Variants in STX17 observed in about 807,000 individuals in gnomAD.
STX17 encodes syntaxin-17.
A neutral mutation model predicts 35.9 loss-of-function variants in STX17; 29 were observed. The observed-to-expected ratio is 0.81, with a 90% CI of 0.60 to 1.10. STX17 has a LOEUF of 1.10. Among genes scored for constraint, STX17 ranks in the 50% least tolerant of loss-of-function variants. The pLI, the probability that STX17 is intolerant of heterozygous loss-of-function variation, is 0.00. For missense variants in STX17, 312 were observed against 352.3 expected (o/e 0.89, Z 0.92); for synonymous variants, 92 against 118.3 (o/e 0.78, Z 1.44).
intron 3 of STX17, among the ~76,000 whole-genome samples, chr9:99,930,060 C>T (rs1829084737): frequency 6.7e-6 from 1 of 150,116 alleles, no homozygotes; most frequent in Non-Finnish European, 1.5e-5. Context: ...CTACAGGCAC[C>T]CACCACCACG....
In STX17 at chr9:99,968,622, C is replaced by G. The variant is rs753349057; in HGVS notation, c.858C>G (p.Leu286=). 1 of 1,613,924 alleles carries G rather than the reference C, an allele frequency of 6.2e-7. No homozygotes were observed. The highest frequency in any genetic ancestry group is 8.5e-7 in the Non-Finnish European group (1 of 1,179,936). The change falls in exon 8 of 8, where the codon CTC becomes CTG. Residue 286 remains leucine, a synonymous_variant. Coordinates refer to ENST00000259400, the MANE Select transcript of STX17 (RefSeq NM_017919.3). ...AGAAACAGAAAATGATGGAGAAGCT[C>G]ACTTCCAGCTGTCCAGATCTTCCCA... ...QRKKQKMMEK[L]TSSCPDLPSQ...
At chr9:99,955,845 A>G (rs543296338) in intron 4 of STX17, among the ~76,000 whole-genome samples, 2 of 152,138 alleles carry the variant, frequency 1.3e-5, no homozygotes, top group Admixed American at 6.5e-5. Flanking sequence ...GTTACATGAA[A>G]CAGTTACAAT....
At chr9:99,950,653 T>G (rs1293644082) in intron 3 of STX17, among the ~76,000 whole-genome samples, 1 of 151,948 alleles carries the variant, frequency 6.6e-6, no homozygotes, top group East Asian at 1.9e-4. Context: ...TGTAATCCAT[T>G]TTTTAATAAA....
At chr9:99,931,388 A>G (rs1829118874) in intron 3 of STX17, among the ~76,000 whole-genome samples, 1 of 151,750 alleles carries the variant, frequency 6.6e-6, no homozygotes, top group Non-Finnish European at 1.5e-5. Context: ...TGATGATGTC[A>G]TTGTGTTGGA....
At chr9:99,949,623 C>T (rs1829552387) in intron 3 of STX17, among the ~76,000 whole-genome samples, 2 of 151,706 alleles carry the variant, frequency 1.3e-5, no homozygotes, top group Admixed American at 1.3e-4. Context: ...TCAGAGTATG[C>T]ACTTGAAAAA....
At chr9:99,943,324 T>C (rs1829405594) in intron 3 of STX17, among the ~76,000 whole-genome samples, 1 of 151,930 alleles carries the variant, frequency 6.6e-6, no homozygotes, top group Non-Finnish European at 1.5e-5. Flanking sequence ...TTTTGTTTTT[T>C]TGAGTTGGTG....
At chr9:99,907,567 C>G (rs796396224) in intron 1 of STX17, among the ~76,000 whole-genome samples, 3 of 152,304 alleles carry the variant, frequency 2.0e-5, no homozygotes, top group African/African-American at 7.2e-5. Flanking sequence ...GCACCCCTCT[C>G]TCCAAGTATT....
chr9:99,958,498 C>T (rs1829758462), intron 4 of STX17, among the ~76,000 whole-genome samples: 1 of 152,164 alleles, frequency 6.6e-6, no homozygotes, highest in African/African-American at 2.4e-5. Context: ...TTATATATAA[C>T]CCAGGTACTG....
chr9:99,959,771 A>G (rs914457144), intron 4 of STX17, 146 bp from the exon 5 acceptor site: 6 of 687,576 alleles, frequency 8.7e-6, no homozygotes, highest in Admixed American at 5.8e-5. Flanking sequence ...AAACAATTCT[A>G]TTTTTGTAGA....
At chr9:99,936,630 G>A (rs1829241559) in intron 3 of STX17, among the ~76,000 whole-genome samples, 1 of 151,586 alleles carries the variant, frequency 6.6e-6, no homozygotes. Context: ...AGGGTCTTTA[G>A]TGTACATCTT....
chr9:99,947,137 T>C (rs1040932291), intron 3 of STX17, among the ~76,000 whole-genome samples: 4 of 152,162 alleles, frequency 2.6e-5, no homozygotes, highest in Non-Finnish European at 5.9e-5. Flanking sequence ...CTATATTTTT[T>C]ACTTTCCTTG....
chr9:99,965,571 T>C (rs893348177), intron 6 of STX17, among the ~76,000 whole-genome samples: 1 of 152,134 alleles, frequency 6.6e-6, no homozygotes, highest in African/African-American at 2.4e-5. Flanking sequence ...GTGTCCTAAA[T>C]AGAAACAATG....
chr9:99,921,177 T>G (rs1221000554), intron 2 of STX17, among the ~76,000 whole-genome samples: 1 of 152,188 alleles, frequency 6.6e-6, no homozygotes, highest in African/African-American at 2.4e-5. Context: ...CTAACATGCT[T>G]GAAATGTAGT....
chr9:99,952,548 A>G (rs1335433542), intron 4 of STX17, among the ~76,000 whole-genome samples: 2 of 152,186 alleles, frequency 1.3e-5, no homozygotes, highest in Non-Finnish European at 2.9e-5. Flanking sequence ...CCAAAGGACT[A>G]TAAATCATGC....
intron 2 of STX17, among the ~76,000 whole-genome samples, chr9:99,921,571 G>C (rs1025718194): frequency 2.0e-5 from 3 of 150,028 alleles, no homozygotes; most frequent in Admixed American, 6.7e-5. Context: ...GAGCACACTG[G>C]TATACTGTCA....
intron 3 of STX17, among the ~76,000 whole-genome samples, chr9:99,946,563 T>C (rs1326750360): frequency 6.6e-6 from 1 of 152,214 alleles, no homozygotes; most frequent in Non-Finnish European, 1.5e-5. Flanking sequence ...CTTTTTAGCA[T>C]ATTTTCATTT....
intron 4 of STX17, among the ~76,000 whole-genome samples, chr9:99,957,105 C>T (rs900222482): frequency 1.3e-5 from 2 of 152,166 alleles, no homozygotes; most frequent in African/African-American, 4.8e-5. Flanking sequence ...TTACTTCTTG[C>T]TTTGTACCAT....
chr9:99,939,462 A>G (rs1355625241), intron 3 of STX17, among the ~76,000 whole-genome samples: 1 of 152,220 alleles, frequency 6.6e-6, no homozygotes, highest in Non-Finnish European at 1.5e-5. Flanking sequence ...TGTAAGACAC[A>G]CTATTATTTT....
intron 1 of STX17, 35 bp from the exon 2 acceptor site, chr9:99,915,143 T>A: frequency 7.4e-7 from 1 of 1,358,078 alleles, no homozygotes; most frequent in South Asian, 1.8e-5. Flanking sequence ...GGAAACAGAT[T>A]TGAAAACATT....
Sources: allele counts gnomAD v4.1 joint callset (sites outside exome capture counted in the v4.1 genomes callset), GRCh38; gene constraint gnomAD v4.1.1; transcripts MANE v1.5; gene names NCBI Gene and HGNC (gene_info 2026-07-23, HGNC 2026-07-21).